Variants in DAB1 observed in about 807,000 individuals in gnomAD.
DAB1 encodes disabled homolog 1.
Under a neutral mutation model 64.6 loss-of-function variants are expected in DAB1, and 15 were observed. That is an observed-to-expected ratio of 0.23 (90% CI 0.16 to 0.36). The LOEUF (loss-of-function observed/expected upper bound fraction) is 0.36. Ranked by LOEUF, DAB1 falls within the 10% of genes least tolerant of loss-of-function variation. DAB1 has a pLI of 1.00. For synonymous variants in DAB1, 235 were observed against 251.9 expected (o/e 0.93, Z 0.64); for missense variants, 596 against 706.7 (o/e 0.84, Z 1.78).
At chr1:57,436,107 G>A (rs908348872) in intron 7 of DAB1, among the ~76,000 whole-genome samples, 13 of 151,940 alleles carry the variant, frequency 8.6e-5, no homozygotes, top group African/African-American at 2.9e-4. Flanking sequence ...AGTAGAGACG[G>A]GGTTGCACCG....
intron 1 of DAB1, among the ~76,000 whole-genome samples, chr1:57,352,776 G>A (rs1164875351): frequency 2.0e-5 from 3 of 152,128 alleles, no homozygotes; most frequent in Non-Finnish European, 4.4e-5. Context: ...GTTTTTGGAT[G>A]AGATTGACAT....
chr1:57,051,402 T>C (rs1649171043), intron 9 of DAB1, among the ~76,000 whole-genome samples: 1 of 152,174 alleles, frequency 6.6e-6, no homozygotes, highest in Non-Finnish European at 1.5e-5. Flanking sequence ...AAAAACCAAC[T>C]GTTCAATTGT....
intron 9 of DAB1, among the ~76,000 whole-genome samples, chr1:57,056,284 G>C (rs1052956996): frequency 6.7e-6 from 1 of 150,212 alleles, no homozygotes; most frequent in Non-Finnish European, 1.5e-5. Context: ...GGATTGCTTC[G>C]GGCCAGGAAT....
At chr1:58,172,647 C>G (rs1656241286) in intron 4 of DAB1, among the ~76,000 whole-genome samples, 1 of 152,122 alleles carries the variant, frequency 6.6e-6, no homozygotes, top group Non-Finnish European at 1.5e-5. Context: ...TTAGAAGTCC[C>G]CTTAGCTAAT....
intron 2 of DAB1, among the ~76,000 whole-genome samples, chr1:57,266,859 T>C (rs907832543): frequency 6.6e-6 from 1 of 152,244 alleles, no homozygotes; most frequent in South Asian, 2.1e-4. Context: ...TATAATTCTA[T>C]CATCCACAAC....
chr1:58,430,422 G>A (rs1644859517), intron 3 of DAB1, among the ~76,000 whole-genome samples: 1 of 152,134 alleles, frequency 6.6e-6, no homozygotes, highest in South Asian at 2.1e-4. Context: ...GGGAAAAATT[G>A]AAATACATAA....
At chr1:57,953,380 GT>G (rs1357034167) in intron 5 of DAB1, among the ~76,000 whole-genome samples, 1 of 152,178 alleles carries the variant, frequency 6.6e-6, no homozygotes, top group Non-Finnish European at 1.5e-5. Flanking sequence ...GCCTGCTAGT[GT>G]TTGCTTTTTG....
intron 4 of DAB1, among the ~76,000 whole-genome samples, chr1:58,218,501 T>C (rs535656133): frequency 7.9e-5 from 12 of 152,236 alleles, no homozygotes; most frequent in Admixed American, 2.0e-4. Flanking sequence ...GGGTGTTTGG[T>C]GTCTGCATGT....
In DAB1 at chr1:58,128,143, G is replaced by A. The variant is rs551312718; in HGVS notation, n.387+22368C>T. Among the ~76,000 whole-genome samples, 48 of 152,106 alleles carry A rather than the reference G, an allele frequency of 3.2e-4. No individual in the cohort carries two copies. The Middle Eastern group carries it at 0.01, about 32-fold the overall frequency. On this transcript the variant is annotated intron_variant and non_coding_transcript_variant, in intron 5 of 20. Coordinates refer to the DAB1 transcript ENST00000485760. ...ATCCTCTTTTATTTCCTGGAGCAGT[G>A]GTTTGCAGTTCTCCTTGAAGAGGTC...
intron 5 of DAB1, among the ~76,000 whole-genome samples, chr1:58,136,639 G>A (rs1653962823): frequency 6.6e-6 from 1 of 152,210 alleles, no homozygotes; most frequent in African/African-American, 2.4e-5. Context: ...AGGCTGGATG[G>A]CATTCAAACC....
At chr1:58,057,744 C>T (rs1648224119) in intron 5 of DAB1, among the ~76,000 whole-genome samples, 1 of 152,114 alleles carries the variant, frequency 6.6e-6, no homozygotes. Context: ...CTTAAGCTAC[C>T]CCAGTTTGTG....
At chr1:57,400,451 A>G (rs1278870012) in intron 1 of DAB1, among the ~76,000 whole-genome samples, 1 of 152,042 alleles carries the variant, frequency 6.6e-6, no homozygotes, top group Admixed American at 6.6e-5. Flanking sequence ...AACTCCCAAT[A>G]AGTGCAAAGT....
At chr1:57,079,760 G>T (rs910700964) in intron 4 of DAB1, among the ~76,000 whole-genome samples, 5 of 152,116 alleles carry the variant, frequency 3.3e-5, no homozygotes, top group Non-Finnish European at 5.9e-5. Flanking sequence ...TGCCTAGAAA[G>T]CTCAACTCCT....
chr1:57,157,572 G>C (rs1428961298), intron 2 of DAB1, among the ~76,000 whole-genome samples: 744 of 46,996 alleles, frequency 0.016, 8 homozygotes, highest in Middle Eastern at 0.054. Flanking sequence ...CACTGAGAAA[G>C]AGAGAGAGAG....
chr1:57,809,444 T>C (rs969038497), intron 6 of DAB1, among the ~76,000 whole-genome samples: 2 of 152,326 alleles, frequency 1.3e-5, no homozygotes, highest in South Asian at 2.1e-4. Context: ...GTAAAATAAA[T>C]GTTACATTAA....
At chr1:58,363,750 G>A (rs1160953007) in intron 3 of DAB1, among the ~76,000 whole-genome samples, 1 of 152,222 alleles carries the variant, frequency 6.6e-6, no homozygotes, top group East Asian at 1.9e-4. Context: ...GGTCAGCATG[G>A]ATCACTGCCT....
chr1:57,447,191 C>A (rs1040001903), intron 7 of DAB1, among the ~76,000 whole-genome samples: 14 of 152,152 alleles, frequency 9.2e-5, no homozygotes, highest in African/African-American at 3.4e-4. Context: ...GCTTTACATA[C>A]CCGCTCCTCA....
chr1:57,195,467 G>C (rs1394993591), intron 2 of DAB1, among the ~76,000 whole-genome samples: 3 of 152,194 alleles, frequency 2.0e-5, no homozygotes, highest in African/African-American at 7.2e-5. Context: ...TTAAGAATAT[G>C]CTGGCCTTTT....
At chr1:57,875,674 A>G (rs1026163583) in intron 1 of DAB1, among the ~76,000 whole-genome samples, 1 of 152,184 alleles carries the variant, frequency 6.6e-6, no homozygotes, top group African/African-American at 2.4e-5. Flanking sequence ...GTACTCAATA[A>G]ATAATTATTA....
Sources: gnomAD v4.1 joint callset for allele counts (sites outside exome capture counted in the v4.1 genomes callset) on GRCh38, gnomAD v4.1.1 for gene constraint, MANE v1.5 for transcripts, NCBI Gene and HGNC (gene_info 2026-07-23, HGNC 2026-07-21) for gene names.